FBXL17: variants seen among roughly 807,000 people sequenced by gnomAD.
FBXL17 encodes F-box and leucine rich repeat protein 17, also known as F-box/LRR-repeat protein 17.
In FBXL17, 22 loss-of-function variants were observed where a neutral mutation model predicts 66.2. The ratio of observed to expected loss-of-function variants is 0.33; its 90% CI spans 0.24 to 0.47. The LOEUF is 0.47. Among genes scored for constraint, FBXL17 ranks in the 20% least tolerant of loss-of-function variants. The probability of loss-of-function intolerance (pLI) is 1.00; values close to 1 mark genes in which losing one functional copy is unlikely to be tolerated. For synonymous variants in FBXL17, 474 were observed against 400.5 expected, an observed-to-expected ratio of 1.18 and a Z score of -2.19; for missense variants, 878 against 948.2, an observed-to-expected ratio of 0.93 and a Z score of 0.97.
intron 7 of FBXL17, among the ~76,000 whole-genome samples, chr5:107,927,866 T>G (rs1294934853): frequency 6.6e-6 from 1 of 152,106 alleles, no homozygotes; most frequent in African/African-American, 2.4e-5. Flanking sequence ...TGCACATGGC[T>G]TTTTTCAGAT....
chr5:108,271,494 G>C (rs1331068542), intron 4 of FBXL17, among the ~76,000 whole-genome samples: 1 of 152,144 alleles, frequency 6.6e-6, no homozygotes, highest in Non-Finnish European at 1.5e-5. Flanking sequence ...TCAAACTCTG[G>C]AGAAAACAGT....
At position 108,381,766 on chromosome 5, in the gene FBXL17, A is replaced by C. The variant is rs1239429776; in HGVS notation, c.-75T>G. On this transcript the variant is annotated 5_prime_UTR_variant, in exon 1 of 9. Transcript: ENST00000542267. ...AGAGGCGGGCTCCCGGCAGCGGGGC[A>C]GGCCGCTCGCTGGCTCGGCCCCCGG... 6 of 1,369,664 alleles carry C rather than the reference A, an allele frequency of 4.4e-6. No homozygotes were observed. The highest frequency in any genetic ancestry group is 5.6e-6 in the Non-Finnish European group (6 of 1,067,154). The allele number at this position is 1,369,664 out of a possible 1,614,324, so 84.8% of individuals were successfully genotyped here. A position where few individuals can be genotyped will look rare whatever the true frequency, so the allele number is the denominator to read the frequency against.
intron 4 of FBXL17, among the ~76,000 whole-genome samples, chr5:108,269,172 G>A (rs1027345331): frequency 6.6e-6 from 1 of 151,976 alleles, no homozygotes; most frequent in South Asian, 2.1e-4. Context: ...CTTTCACATA[G>A]GAATTCCATC....
At chr5:107,889,757 T>TA (rs1749130949) in intron 7 of FBXL17, among the ~76,000 whole-genome samples, 1 of 152,216 alleles carries the variant, frequency 6.6e-6, no homozygotes. Context: ...ACAAATGTCT[T>TA]AAGCAGCAGC....
chr5:107,987,923 A>G (rs1156483221), intron 7 of FBXL17, among the ~76,000 whole-genome samples: 4 of 152,006 alleles, frequency 2.6e-5, no homozygotes, highest in Non-Finnish European at 5.9e-5. Context: ...TGATGCTGAT[A>G]GCTGAGACGA....
rs189628052 is a variant in FBXL17 at position 108,115,775 on chromosome 5, A to G, written c.1745+70342T>C. On this transcript the variant is annotated intron_variant, in intron 6 of 8. Coordinates refer to ENST00000542267, the MANE Select transcript of FBXL17 (RefSeq NM_001163315.3). ...AGAGCAACTGAGCAAGATGAAAAGC[A>G]GTAAGAATTAGAGCTATCAGAGATC... Among the ~76,000 whole-genome samples, 132 of 152,358 alleles carry G rather than the reference A, an allele frequency of 8.7e-4. 1 individual carries two copies. In the Middle Eastern group the frequency reaches 0.01, roughly 12 times the overall value.
intron 4 of FBXL17, among the ~76,000 whole-genome samples, chr5:108,268,847 T>C (rs1757150066): frequency 2.0e-5 from 3 of 152,048 alleles, no homozygotes; most frequent in South Asian, 4.1e-4. Context: ...GAGAATTAAA[T>C]TGAAGTGAGA....
chr5:108,178,089 G>A (rs1314422861), intron 6 of FBXL17, among the ~76,000 whole-genome samples: 1 of 151,852 alleles, frequency 6.6e-6, no homozygotes, highest in South Asian at 2.1e-4. Context: ...GCAGTGGCAC[G>A]ATCACAGCTC....
intron 6 of FBXL17, among the ~76,000 whole-genome samples, chr5:108,170,129 G>C (rs1316544505): frequency 6.6e-6 from 1 of 151,848 alleles, no homozygotes; most frequent in Admixed American, 6.6e-5. Flanking sequence ...AAAATCATTG[G>C]TAATTTATTA....
intron 6 of FBXL17, among the ~76,000 whole-genome samples, chr5:108,104,256 C>T (rs555763136): frequency 5.9e-5 from 9 of 152,270 alleles, no homozygotes; most frequent in East Asian, 1.9e-4. Context: ...AGGCTGGTCT[C>T]GAACTCCTGA....
chr5:108,332,999 T>G (rs185743077), intron 4 of FBXL17, among the ~76,000 whole-genome samples: 1 of 145,948 alleles, frequency 6.9e-6, no homozygotes, highest in Non-Finnish European at 1.5e-5. Context: ...TGAATCTGTA[T>G]TAAGATCTTG....
chr5:108,224,994 T>C (rs1755040486), intron 4 of FBXL17, among the ~76,000 whole-genome samples: 1 of 152,090 alleles, frequency 6.6e-6, no homozygotes, highest in African/African-American at 2.4e-5. Context: ...AGAGTACAGT[T>C]CAGTATATTC....
intron 7 of FBXL17, among the ~76,000 whole-genome samples, chr5:107,999,938 A>G (rs1411879047): frequency 6.6e-6 from 1 of 152,244 alleles, no homozygotes; most frequent in Admixed American, 6.5e-5. Context: ...TAGAAAGGCG[A>G]TAATGAAAGG....
chr5:108,161,811 C>G (rs1465181420), intron 6 of FBXL17, among the ~76,000 whole-genome samples: 4 of 152,178 alleles, frequency 2.6e-5, no homozygotes, highest in African/African-American at 4.8e-5. Flanking sequence ...CAGGGACCAT[C>G]TTTCATCAGC....
chr5:108,195,945 A>G (rs1753663086), intron 5 of FBXL17, among the ~76,000 whole-genome samples: 1 of 152,158 alleles, frequency 6.6e-6, no homozygotes, highest in South Asian at 2.1e-4. Context: ...TTTGTTTTGA[A>G]TATGCTATGC....
At chr5:108,298,983 G>T in intron 4 of FBXL17, 1 of 971,092 alleles carries the variant, frequency 1.0e-6, no homozygotes, top group African/African-American at 1.8e-5. Context: ...AATGTATTAG[G>T]AGAGTATAAC....
intron 6 of FBXL17, among the ~76,000 whole-genome samples, chr5:108,040,856 G>A (rs188560945): frequency 7.2e-5 from 11 of 152,164 alleles, no homozygotes; most frequent in South Asian, 4.2e-4. Flanking sequence ...GTGCAGCTTT[G>A]GCATTGTAAG....
intron 3 of FBXL17, among the ~76,000 whole-genome samples, chr5:108,362,405 G>A (rs764292513): frequency 7.9e-5 from 12 of 151,960 alleles, no homozygotes; most frequent in Non-Finnish European, 1.5e-4. Context: ...TACTATTATC[G>A]TTTGTTTACT....
chr5:108,350,405 T>C (rs1747568896), intron 3 of FBXL17, among the ~76,000 whole-genome samples: 1 of 152,216 alleles, frequency 6.6e-6, no homozygotes, highest in Non-Finnish European at 1.5e-5. Flanking sequence ...TGGGGATTTG[T>C]GAACGTTTAT....
Sources: gnomAD v4.1 joint callset for allele counts (sites outside exome capture counted in the v4.1 genomes callset) on GRCh38, gnomAD v4.1.1 for gene constraint, MANE v1.5 for transcripts, NCBI Gene and HGNC (gene_info 2026-07-23, HGNC 2026-07-21) for gene names.